HTT: variants seen among roughly 807,000 people sequenced by gnomAD.
HTT encodes the protein huntingtin, also known as huntington disease protein.
In HTT, 104 loss-of-function variants were observed where a neutral mutation model predicts 362.3. That is an observed-to-expected ratio of 0.29 (90% CI 0.24 to 0.34). The LOEUF is 0.34. HTT is among the 10% of genes least tolerant of loss of function. HTT has a pLI of 1.00. For missense variants in HTT, 3,301 were observed against 3,928.6 expected, an observed-to-expected ratio of 0.84 and a Z score of 4.27; for synonymous variants, 1,577 against 1,548.7, an observed-to-expected ratio of 1.02 and a Z score of -0.43.
rs762108233 is a variant in HTT, at chr4:3,208,744, CT to C, written c.6153-28del. On this transcript the variant is annotated intron_variant, in intron 45 of 66. Transcript: ENST00000355072. The stretch of plus-strand genomic sequence containing the variant: ...TAAAAAAAAAAAAAAACAAATTATA[CT>C]GTAATTTCATTTTTATTTGTATTTT... 26 of 1,503,098 alleles carry C rather than the reference CT, an allele frequency of 1.7e-5. No homozygotes were observed. The Admixed American group carries it at 5.4e-4, about 31-fold the overall frequency. The allele number at this position is 1,503,098 out of a possible 1,614,324, so 93.1% of individuals were successfully genotyped here.
intron 2 of HTT, among the ~76,000 whole-genome samples, chr4:3,087,909 G>A (rs1713298281): frequency 6.6e-6 from 1 of 152,072 alleles, no homozygotes; most frequent in African/African-American, 2.4e-5. Context: ...GGAGTGCAAT[G>A]GCGTGATCTC....
chr4:3,177,771 G>A (rs184364288), intron 34 of HTT, among the ~76,000 whole-genome samples: 1 of 152,204 alleles, frequency 6.6e-6, no homozygotes, highest in Admixed American at 6.5e-5. Context: ...GCTTTTTCTT[G>A]CTAGATGTTG....
chr4:3,076,705 G>C (rs1712572381), intron 1 of HTT, among the ~76,000 whole-genome samples: 1 of 152,040 alleles, frequency 6.6e-6, no homozygotes, highest in African/African-American at 2.4e-5. Context: ...CTTTCTGCTG[G>C]GCTGCTTCAG....
At chr4:3,151,809 C>T (rs1380482262) in intron 26 of HTT, among the ~76,000 whole-genome samples, 1 of 152,212 alleles carries the variant, frequency 6.6e-6, no homozygotes, top group Middle Eastern at 3.2e-3. Flanking sequence ...TACATGGACA[C>T]ATAATACATG....
At chr4:3,211,423 C>A (rs1176361882) in intron 47 of HTT, among the ~76,000 whole-genome samples, 3 of 152,210 alleles carry the variant, frequency 2.0e-5, no homozygotes, top group African/African-American at 7.2e-5. Context: ...GGCCACCAAT[C>A]TTTAAATGGC....
intron 40 of HTT, 107 bp downstream of exon 40, chr4:3,189,200 A>G (rs962315019): frequency 1.8e-6 from 2 of 1,112,690 alleles, no homozygotes; most frequent in Middle Eastern, 4.4e-4. Context: ...TGCCTTGCCC[A>G]GTGTGCCAGT....
At chr4:3,129,644 G>C (rs1715705177) in intron 12 of HTT, 1 of 285,270 alleles carries the variant, frequency 3.5e-6, no homozygotes, top group South Asian at 7.4e-5. Flanking sequence ...ATTTTTGTAT[G>C]GGTTTTTTCT....
At position 3,172,412 on chromosome 4, in the gene HTT, CT is replaced by C; in HGVS notation, c.3942+19del. The C allele has an allele frequency of 1.3e-6, 2 of 1,551,972 alleles. No homozygotes were observed. Among genetic ancestry groups the C allele is most frequent in the African/African-American group, 1.4e-5 (1 of 73,816 alleles). ...GTGTTCAACAAGTAAGAGCTTCATT[CT>C]TTTCCTCTTCTGTTAAGACGTTCGG... is the stretch of plus-strand genomic sequence containing the variant. On this transcript the variant is annotated intron_variant, in intron 30 of 66. Coordinates refer to ENST00000355072, the MANE Select transcript of HTT (RefSeq NM_001388492.1).
chr4:3,101,796 C>A (rs970510959), intron 3 of HTT, among the ~76,000 whole-genome samples: 2 of 152,188 alleles, frequency 1.3e-5, no homozygotes, highest in African/African-American at 4.8e-5. Flanking sequence ...AGTCTCCGTT[C>A]TGTGAGGTGC....
At chr4:3,166,707 C>G (rs971472394) in intron 29 of HTT, among the ~76,000 whole-genome samples, 2 of 152,274 alleles carry the variant, frequency 1.3e-5, no homozygotes, top group Non-Finnish European at 2.9e-5. Context: ...GCTGCGCTAG[C>G]AGTGAGCAAG....
At chr4:3,209,227 A>G (rs1052132218) in intron 46 of HTT, among the ~76,000 whole-genome samples, 1 of 151,966 alleles carries the variant, frequency 6.6e-6, no homozygotes. Context: ...GCCTCCCTCC[A>G]TCTCCTCATA....
Position 3,206,702 on chromosome 4 carries a change from C to G in HTT, c.5898+27C>G, listed in dbSNP as rs1280555818. On this transcript the variant is annotated intron_variant, in intron 43 of 66. Coordinates refer to ENST00000355072, the MANE Select transcript of HTT (RefSeq NM_001388492.1). This position sits in a 1 kb window ranked among gnomAD's most constrained non-coding sequence, Gnocchi z 4.6. ...TACGTCTTCATCCTGCCGACTATTG[C>G]CAGTTGCAGTTTTCCCTGCCTTAAA... 6.3e-7 allele frequency: 1 copy of G among 1,598,712 alleles called. No homozygotes were observed.
At position 3,157,116 on chromosome 4, in the gene HTT, T is replaced by G. The variant is rs752837562; in HGVS notation, c.3670T>G (p.Ser1224Ala). The G allele has an allele frequency of 6.2e-7, 1 of 1,613,052 alleles. No homozygotes were observed. The highest frequency in any genetic ancestry group is 1.7e-5 in the Admixed American group (1 of 59,934). The change falls in exon 28 of 67, where the codon TCC becomes GCC. Residue 1224 changes from serine to alanine, a missense_variant. Transcript: ENST00000355072. ...CTCAGGTCCTGTTACAACAAGTAAATCCTCATCACTGGGGAGTTTCTATCA... is the reference window on the plus strand; with the variant it reads ...CTCAGGTCCTGTTACAACAAGTAAAGCCTCATCACTGGGGAGTTTCTATCA... ...DTSGPVTTSK[S>A]SSLGSFYHLP...
At chr4:3,124,777 C>T (rs925944334) in intron 10 of HTT, among the ~76,000 whole-genome samples, 1 of 152,130 alleles carries the variant, frequency 6.6e-6, no homozygotes, top group Non-Finnish European at 1.5e-5. Context: ...CATTTTTTCA[C>T]TCTTAATCTC....
intron 5 of HTT, 33 bp downstream of exon 5, chr4:3,105,469 C>CG (rs770814735): frequency 7.3e-7 from 1 of 1,365,758 alleles, no homozygotes; most frequent in Non-Finnish European, 1.0e-6. Context: ...TGGTTTTTGT[C>CG]GGGGGCCAGC....
At position 3,174,782 on chromosome 4, in the gene HTT, A is replaced by G. The variant is rs757547153; in HGVS notation, c.4228A>G (p.Lys1410Glu). ...GAAGACAAACCTCACGAGTGTCACA[A>G]AGAACCGTGCAGATAAGGTAAATGG... ...QLKTNLTSVT[K>E]NRADKNAIHN... Residue 1410 changes from lysine (K) to glutamate (E), a missense_variant, in exon 32 of 67, where the codon AAG becomes GAG. Transcript: ENST00000355072. 1 of 1,614,048 alleles carries G rather than the reference A, an allele frequency of 6.2e-7. No individual in the cohort carries two copies. The highest frequency in any genetic ancestry group is 8.5e-7 in the Non-Finnish European group (1 of 1,180,010).
At chr4:3,188,562 A>G (rs954903859) in intron 39 of HTT, 6 of 175,366 alleles carry the variant, frequency 3.4e-5, no homozygotes, top group African/African-American at 1.4e-4. Context: ...CGAAGGAGAT[A>G]AGCCCAGTAA....
chr4:3,188,895 G>A (rs1263403456), intron 39 of HTT, 56 bp from the exon 40 acceptor site: 16 of 1,513,958 alleles, frequency 1.1e-5, no homozygotes, highest in African/African-American at 6.9e-5. Context: ...TATACTTGGC[G>A]TAAGTGCTTT....
intron 61 of HTT, 29 bp downstream of exon 61, chr4:3,233,382 C>T (rs752073367): frequency 1.6e-5 from 25 of 1,573,942 alleles, no homozygotes; most frequent in South Asian, 7.9e-5. Context: ...GGGGCTGGGG[C>T]GGGGGTCTCA....
Sources: allele counts gnomAD v4.1 joint callset (sites outside exome capture counted in the v4.1 genomes callset), GRCh38; gene constraint gnomAD v4.1.1; non-coding constraint Gnocchi (gnomAD v3.1); transcripts MANE v1.5; gene names NCBI Gene and HGNC (gene_info 2026-07-23, HGNC 2026-07-21).